MAP3K15: variants seen among roughly 807,000 people sequenced by gnomAD.
MAP3K15 encodes the protein MAPK/ERK kinase kinase 15.
In MAP3K15, 124 loss-of-function variants were observed where a neutral mutation model predicts 99.5. The ratio of observed to expected loss-of-function variants is 1.25; its 90% confidence interval spans 1.08 to 1.45. The LOEUF (loss-of-function observed/expected upper bound fraction) is 1.45, where lower values mean the gene tolerates loss of function less well. Ranked by LOEUF, MAP3K15 falls within the 40% of genes most tolerant of loss-of-function variation. The pLI is 0.00. For missense variants in MAP3K15, 1,242 were observed against 1,079.7 expected, an observed-to-expected ratio of 1.15 and a Z score of -2.11; for synonymous variants, 494 against 439.6, an observed-to-expected ratio of 1.12 and a Z score of -1.55.
Position 19,415,184 on chromosome X carries a change from T to C in MAP3K15, c.1513A>G (p.Arg505Gly). ...AACCAGAAGTTCAGCCGCTCTTGCC[T>C]GGGCGAGTGTTCAATAATGGTTTTC... ...FKKTIIEHSP[R>G]QERLNFWLDI... Residue 505 changes from arginine (R) to glycine (G), a missense_variant, in exon 10 of 29, where the codon AGG (arginine) becomes GGG (glycine). Coordinates refer to ENST00000338883, the MANE Select transcript of MAP3K15 (RefSeq NM_001001671.4). The C allele has an allele frequency of 8.5e-7, 1 of 1,179,793 alleles. No homozygotes were observed. Among genetic ancestry groups the C allele is most frequent in the Non-Finnish European group, 1.1e-6 (1 of 884,104 alleles).
chrX:19,437,307 G>C lies in MAP3K15; in HGVS notation c.996-5699C>G, dbSNP rs1015619897. On this transcript the variant is annotated intron_variant, in intron 6 of 28. Transcript: ENST00000338883. Reference sequence around the variant, plus strand: ...TGTAAGGCAGGTCATGTCATCCTTCGACTCAAAACTCACCAGTGGCTCCCA... The same window carrying C: ...TGTAAGGCAGGTCATGTCATCCTTCCACTCAAAACTCACCAGTGGCTCCCA... Among the ~76,000 whole-genome samples, 3 of 111,359 alleles carry C rather than the reference G, an allele frequency of 2.7e-5. No individual in the cohort carries two copies. The East Asian group carries it at 8.5e-4, about 32-fold the overall frequency.
chrX:19,437,852 A>G (rs1169504326), intron 6 of MAP3K15, among the ~76,000 whole-genome samples: 1 of 111,275 alleles, frequency 9.0e-6, no homozygotes, highest in Admixed American at 9.7e-5. Context: ...GAGATCTCTA[A>G]GCATCGATTA....
At chrX:19,488,772 C>T (rs2064346928) in intron 2 of MAP3K15, 56 bp downstream of exon 2, 3 of 1,112,026 alleles carry the variant, frequency 2.7e-6, no homozygotes, top group East Asian at 6.1e-5. Context: ...TTCAGCTAGA[C>T]ATATAATTCT....
At chrX:19,464,868 G>C (rs371405555) in intron 3 of MAP3K15, among the ~76,000 whole-genome samples, 2 of 111,319 alleles carry the variant, frequency 1.8e-5, no homozygotes, top group South Asian at 3.8e-4. Flanking sequence ...TTTGTAGGAA[G>C]CATATATTAA....
intron 3 of MAP3K15, among the ~76,000 whole-genome samples, chrX:19,483,696 C>A (rs2064306375): frequency 9.0e-6 from 1 of 111,243 alleles, no homozygotes; most frequent in Non-Finnish European, 1.9e-5. Flanking sequence ...TCACCCCAAT[C>A]CACATGGAGG....
chrX:19,379,107 C>T (rs1387686924), intron 19 of MAP3K15, among the ~76,000 whole-genome samples: 1 of 109,649 alleles, frequency 9.1e-6, no homozygotes, highest in Non-Finnish European at 1.9e-5. Flanking sequence ...GCCCAGCTTT[C>T]TTAGAGCCTT....
At chrX:19,507,674 A>C (rs1386701421) in intron 1 of MAP3K15, among the ~76,000 whole-genome samples, 1 of 107,135 alleles carries the variant, frequency 9.3e-6, no homozygotes, top group Non-Finnish European at 1.9e-5. Context: ...TGATGTGTCA[A>C]CATATGTGTA....
intron 6 of MAP3K15, among the ~76,000 whole-genome samples, chrX:19,436,471 T>A (rs1202250290): frequency 9.0e-6 from 1 of 111,475 alleles, no homozygotes; most frequent in Non-Finnish European, 1.9e-5. Context: ...GGCAGTACCC[T>A]TGGACATTTC....
chrX:19,373,682 A>C lies in MAP3K15; in HGVS notation c.2787T>G (p.Gly929=). Residue 929 remains glycine (G), a synonymous_variant, in exon 21 of 29, where the codon GGT becomes GGG. Coordinates refer to ENST00000338883, the MANE Select transcript of MAP3K15 (RefSeq NM_001001671.4). ...CCTGTGTGGGCAGGGCCAGGACGAC[A>C]CCGCGGGGACCTTCTGTAGGGGGAC... ...IAFKPSEGPR[G]VVLALPTQGE... 2 of 1,198,700 alleles carry C rather than the reference A, an allele frequency of 1.7e-6. No individual in the cohort carries two copies. Among genetic ancestry groups the C allele is most frequent in the African/African-American group, 3.5e-5 (2 of 57,535 alleles).
At chrX:19,362,516 C>T (rs769372972) in intron 26 of MAP3K15, among the ~76,000 whole-genome samples, 2 of 110,794 alleles carry the variant, frequency 1.8e-5, no homozygotes, top group Non-Finnish European at 3.8e-5. Flanking sequence ...ATTACAGGCA[C>T]GAGCTACGGT....
At chrX:19,398,185 G>C in intron 15 of MAP3K15, 41 bp downstream of exon 15, 2 of 1,206,790 alleles carry the variant, frequency 1.7e-6, no homozygotes, top group Non-Finnish European at 2.2e-6. Context: ...TCTGGGGTGT[G>C]GAGACGGCAC....
At chrX:19,466,154 C>T (rs944451753) in intron 3 of MAP3K15, among the ~76,000 whole-genome samples, 14 of 110,846 alleles carry the variant, frequency 1.3e-4, no homozygotes, top group East Asian at 2.8e-4. Flanking sequence ...AGACTCAAAT[C>T]ATTCAGCATT....
rs1432508227 is a variant in MAP3K15 at position 19,431,569 on chromosome X, G to C, written c.1035C>G (p.Ile345Met). Residue 345 changes from isoleucine to methionine, a missense_variant, in exon 7 of 29, where the codon ATC becomes ATG. Transcript: ENST00000338883. ...CACAGCTCTGCAGAACCTGGAGCAT[G>C]ATCTGCAGAGCCTTCTCACGGTCAC... is the stretch of plus-strand genomic sequence containing the variant. ...STGDREKALQ[I>M]MLQVLQSCDH... 1.7e-6 allele frequency: 2 copies of C among 1,197,912 alleles called. No individual in the cohort carries two copies. The highest frequency in any genetic ancestry group is 2.2e-6 in the Non-Finnish European group (2 of 894,513).
At chrX:19,433,285 T>C (rs1257370728) in intron 6 of MAP3K15, among the ~76,000 whole-genome samples, 1 of 111,715 alleles carries the variant, frequency 9.0e-6, no homozygotes, top group East Asian at 2.8e-4. Context: ...AGGGTGTTTC[T>C]GGATAAGATT....
At position 19,360,805 on chromosome X, in the gene MAP3K15, C is replaced by T. The variant is rs147753175; in HGVS notation, c.3886G>A (p.Ala1296Thr). Residue 1296 changes from alanine to threonine, a missense_variant, in exon 29 of 29, where the codon GCG becomes ACG. Coordinates refer to ENST00000338883, the MANE Select transcript of MAP3K15 (RefSeq NM_001001671.4). ...RGGLLCRLWS[A>T]VSQYRRAQEA... Reference sequence around the variant, plus strand: ...TGAGCCCTTCTGTACTGGGAGACCGCACTCCAGAGTCTGCAGAGGAGACCA... The same window carrying T: ...TGAGCCCTTCTGTACTGGGAGACCGTACTCCAGAGTCTGCAGAGGAGACCA... The T allele has an allele frequency of 1.4e-5, 17 of 1,207,458 alleles. No homozygotes were observed. The highest frequency in any genetic ancestry group is 1.8e-5 in the African/African-American group (1 of 57,064).
At chrX:19,419,834 A>ACT (rs2063767846) in intron 9 of MAP3K15, among the ~76,000 whole-genome samples, 1 of 111,718 alleles carries the variant, frequency 9.0e-6, no homozygotes, top group African/African-American at 3.3e-5. Flanking sequence ...ATTATAACAA[A>ACT]CTCTCTCTCA....
intron 18 of MAP3K15, among the ~76,000 whole-genome samples, chrX:19,386,232 G>A (rs1168549823): frequency 2.7e-5 from 3 of 111,563 alleles, no homozygotes; most frequent in Non-Finnish European, 5.6e-5. Flanking sequence ...GAAGCAGGTG[G>A]ATGGCTTGAG....
At chrX:19,441,351 G>A (rs1226830382) in intron 6 of MAP3K15, among the ~76,000 whole-genome samples, 1 of 109,519 alleles carries the variant, frequency 9.1e-6, no homozygotes, top group East Asian at 2.9e-4. Flanking sequence ...GGGGTTAAGT[G>A]GTAATGGGTA....
chrX:19,434,546 C>CA (rs1332534073), intron 6 of MAP3K15, among the ~76,000 whole-genome samples: 2 of 111,128 alleles, frequency 1.8e-5, no homozygotes, highest in East Asian at 5.6e-4. Context: ...CCACAATAGG[C>CA]TCTTTTATGT....
Sources: allele counts gnomAD v4.1 joint callset (sites outside exome capture counted in the v4.1 genomes callset), GRCh38; gene constraint gnomAD v4.1.1; transcripts MANE v1.5; gene names NCBI Gene and HGNC (gene_info 2026-07-23, HGNC 2026-07-21).